FHOD3: variants seen among roughly 807,000 people sequenced by gnomAD.
FHOD3 encodes the protein FH1/FH2 domain-containing protein 3.
FHOD3 carries 90 observed loss-of-function variants against 173.0 expected under a neutral mutation model. The ratio of observed to expected loss-of-function variants is 0.52; its 90% CI spans 0.44 to 0.62. The LOEUF (loss-of-function observed/expected upper bound fraction) is 0.62. Among genes scored for constraint, FHOD3 ranks in the 20% least tolerant of loss-of-function variants. The probability of loss-of-function intolerance (pLI) is 0.00; values close to 1 mark genes in which losing one functional copy is unlikely to be tolerated. For missense variants in FHOD3, 1,945 were observed against 2,034.7 expected (o/e 0.96, Z 0.85); for synonymous variants, 828 against 823.0 (o/e 1.01, Z -0.10).
chr18:36,376,729 A>G (rs1481281912), intron 3 of FHOD3, among the ~76,000 whole-genome samples: 1 of 152,252 alleles, frequency 6.6e-6, no homozygotes, highest in Admixed American at 6.5e-5. Flanking sequence ...AAACATCAAC[A>G]GCAAAAGCCA....
In FHOD3 at chr18:36,769,443, A is replaced by AG; in HGVS notation, c.4786+21dup. 1 of 1,612,630 alleles carries AG rather than the reference A, an allele frequency of 6.2e-7. No homozygotes were observed. Among genetic ancestry groups the AG allele is most frequent in the Non-Finnish European group, 8.5e-7 (1 of 1,179,330 alleles). Reference sequence around the variant, plus strand: ...GGAAATCTTGTGAGTGCATTAAAGGAGGGGCGAGCCTTCACCCCTACAGGG... The same window carrying AG: ...GGAAATCTTGTGAGTGCATTAAAGGAGGGGGCGAGCCTTCACCCCTACAGGG... On this transcript the variant is annotated intron_variant, in intron 28 of 28. Transcript: ENST00000590592.
intron 1 of FHOD3, among the ~76,000 whole-genome samples, chr18:36,333,238 T>C (rs1394484909): frequency 6.6e-6 from 1 of 152,146 alleles, no homozygotes; most frequent in East Asian, 1.9e-4. Context: ...TAATTTTTAC[T>C]TGCCAAAGGA....
intron 3 of FHOD3, among the ~76,000 whole-genome samples, chr18:36,426,313 A>T (rs990778322): frequency 1.3e-5 from 2 of 152,154 alleles, no homozygotes; most frequent in Non-Finnish European, 2.9e-5. Context: ...AGGTAACTTA[A>T]TGGGGGTGAT....
chr18:36,671,783 G>T (rs1318419384), intron 14 of FHOD3, among the ~76,000 whole-genome samples: 3 of 152,174 alleles, frequency 2.0e-5, no homozygotes, highest in Admixed American at 1.3e-4. Context: ...GTTGCTGTGG[G>T]GGAAGGAGGA....
intron 10 of FHOD3, among the ~76,000 whole-genome samples, chr18:36,648,530 T>G (rs28718467): frequency 0.074 from 11,298 of 152,196 alleles, 730 homozygotes; most frequent in East Asian, 0.24. Flanking sequence ...AGTGAAAGGC[T>G]AGGGTAGAGC....
intron 13 of FHOD3, among the ~76,000 whole-genome samples, chr18:36,654,728 C>T (rs541426872): frequency 2.0e-5 from 3 of 152,244 alleles, no homozygotes; most frequent in Middle Eastern, 3.4e-3. Flanking sequence ...AATAAAGCTC[C>T]GTCTTCTCCC....
At chr18:36,672,380 C>T (rs928187253) in intron 14 of FHOD3, among the ~76,000 whole-genome samples, 6 of 152,166 alleles carry the variant, frequency 3.9e-5, no homozygotes, top group Non-Finnish European at 1.5e-5. Context: ...TTACTCTGGT[C>T]TGAGCCGGGT....
chr18:36,553,149 T>C (rs1445045933), intron 5 of FHOD3, among the ~76,000 whole-genome samples: 1 of 152,206 alleles, frequency 6.6e-6, no homozygotes, highest in African/African-American at 2.4e-5. Context: ...TGAACCAGCC[T>C]TGCATCCCAG....
At chr18:36,770,955 G>A (rs1353861867) in intron 28 of FHOD3, among the ~76,000 whole-genome samples, 1 of 152,168 alleles carries the variant, frequency 6.6e-6, no homozygotes, top group African/African-American at 2.4e-5. Context: ...ATCGTTCAGG[G>A]AGACTGGCTT....
At position 36,720,705 on chromosome 18, in the gene FHOD3, C is replaced by T. The variant is rs78260495; in HGVS notation, c.3417+1990C>T. ...TATTCCTCCTCCCCCTCCTTCTCCT[C>T]CTCCTCCTCCTTCTCTTCCTCCTTC... On this transcript the variant is annotated intron_variant, in intron 19 of 28. Transcript: ENST00000590592. 2.8e-3 allele frequency among the ~76,000 whole-genome samples: 425 copies of T among 150,858 alleles called. 10 individuals are homozygous for T. In the East Asian group the frequency reaches 0.069, roughly 25 times the overall value.
Position 36,297,870 on chromosome 18 carries a change from A to T in FHOD3, c.35A>T (p.Asp12Val). Reference sequence around the variant, plus strand: ...CTGGCTTGCCGGGTGCAGTTCTTGGACGACACGGACCCTTTCAACAGCACC... The same window carrying T: ...CTGGCTTGCCGGGTGCAGTTCTTGGTCGACACGGACCCTTTCAACAGCACC... ...ATLACRVQFL[D>V]DTDPFNSTNF... The change falls in exon 1 of 29, where the codon GAC becomes GTC. Residue 12 changes from aspartate (D) to valine (V), a missense_variant. Asp to Val is a radical substitution (Grantham distance 152). This residue lies in a region of FHOD3 where 245 missense variants were observed against 267.7 expected (regional missense o/e 0.92). Transcript: ENST00000590592. 6.5e-7 allele frequency: 1 copy of T among 1,544,844 alleles called. No individual in the cohort carries two copies. Among genetic ancestry groups the T allele is most frequent in the Non-Finnish European group, 8.7e-7 (1 of 1,145,902 alleles).
At chr18:36,770,623 G>A (rs2043335248) in intron 28 of FHOD3, among the ~76,000 whole-genome samples, 1 of 152,208 alleles carries the variant, frequency 6.6e-6, no homozygotes, top group Non-Finnish European at 1.5e-5. Context: ...TTCTCATTCA[G>A]TAAGATGGGT....
At chr18:36,340,418 T>C (rs1371760121) in intron 1 of FHOD3, among the ~76,000 whole-genome samples, 1 of 152,120 alleles carries the variant, frequency 6.6e-6, no homozygotes, top group East Asian at 1.9e-4. Context: ...CATACATATC[T>C]TGGCAAAGGT....
chr18:36,425,600 A>G (rs1369153239), intron 3 of FHOD3, among the ~76,000 whole-genome samples: 5 of 152,220 alleles, frequency 3.3e-5, no homozygotes, highest in Non-Finnish European at 7.3e-5. Flanking sequence ...AGAGACCCCA[A>G]CAGTGGCGCT....
At chr18:36,552,709 A>G (rs1228311978) in intron 5 of FHOD3, among the ~76,000 whole-genome samples, 1 of 152,082 alleles carries the variant, frequency 6.6e-6, no homozygotes, top group Non-Finnish European at 1.5e-5. Flanking sequence ...TGTGTTAGCC[A>G]GGATGGTCTT....
intron 27 of FHOD3, among the ~76,000 whole-genome samples, 167 bp downstream of exon 27, chr18:36,760,949 T>C (rs2042851535): frequency 6.6e-6 from 1 of 152,146 alleles, no homozygotes; most frequent in African/African-American, 2.4e-5. Flanking sequence ...CCACCTTCAA[T>C]AGCTTCATCT....
At chr18:36,303,165 G>A (rs923963711) in intron 1 of FHOD3, among the ~76,000 whole-genome samples, 14 of 152,210 alleles carry the variant, frequency 9.2e-5, no homozygotes, top group South Asian at 4.1e-4. Context: ...TAGCAGGCAG[G>A]CAGATGAGGA....
intron 5 of FHOD3, among the ~76,000 whole-genome samples, chr18:36,533,361 G>A (rs971285455): frequency 6.6e-6 from 1 of 152,244 alleles, no homozygotes; most frequent in Non-Finnish European, 1.5e-5. Flanking sequence ...AAGGGACAGG[G>A]CTGGGACAGA....
intron 3 of FHOD3, among the ~76,000 whole-genome samples, chr18:36,501,605 G>A (rs1448140489): frequency 6.6e-6 from 1 of 152,214 alleles, no homozygotes; most frequent in Admixed American, 6.5e-5. Context: ...TCTGGAGAGA[G>A]GAAGGGTGGG....
Sources: allele counts gnomAD v4.1 joint callset (sites outside exome capture counted in the v4.1 genomes callset), GRCh38; gene constraint gnomAD v4.1.1; regional missense constraint gnomAD v4.1.1; transcripts MANE v1.5; gene names NCBI Gene and HGNC (gene_info 2026-07-23, HGNC 2026-07-21).